MYRFL: variants seen among roughly 807,000 people sequenced by gnomAD.
MYRFL encodes myelin regulatory factor like.
In MYRFL, 88 loss-of-function variants were observed where a neutral mutation model predicts 109.4. The ratio of observed to expected loss-of-function variants is 0.80; its 90% confidence interval spans 0.68 to 0.96. The LOEUF (loss-of-function observed/expected upper bound fraction) is 0.96. Among genes scored for constraint, MYRFL ranks in the 40% least tolerant of loss-of-function variants. The pLI is 0.00. For synonymous variants in MYRFL, 324 were observed against 320.9 expected (o/e 1.01, Z -0.10); for missense variants, 957 against 954.9 (o/e 1.00, Z -0.03).
At chr12:69,903,554 T>C (rs1954257137) in intron 10 of MYRFL, 90 bp from the exon 11 acceptor site, 1 of 1,272,444 alleles carries the variant, frequency 7.9e-7, no homozygotes. Context: ...ACTTAGATAA[T>C]ATTCAGTTTG....
At chr12:69,836,709 G>A (rs1247775131) in intron 1 of MYRFL, among the ~76,000 whole-genome samples, 1 of 152,142 alleles carries the variant, frequency 6.6e-6, no homozygotes, top group Non-Finnish European at 1.5e-5. Flanking sequence ...ATCCGTATAA[G>A]GATAAGACAA....
chr12:69,946,257 C>T (rs1323524427), intron 19 of MYRFL, among the ~76,000 whole-genome samples: 3 of 152,038 alleles, frequency 2.0e-5, no homozygotes, highest in African/African-American at 7.2e-5. Flanking sequence ...CTAGACAGAA[C>T]TAACTGCTTC....
chr12:69,958,751 G>A lies in MYRFL; in HGVS notation c.*220G>A. On this transcript the variant is annotated 3_prime_UTR_variant, in exon 25 of 25. Transcript: ENST00000552032. ...ATAATGTGATGTTTGATTTTGCCAT[G>A]ACTATGAAGAAAACATTTCCTGGAG... The A allele has an allele frequency of 2.1e-6, 1 of 477,650 alleles. No homozygotes were observed. Among genetic ancestry groups the A allele is most frequent in the Non-Finnish European group, 3.7e-6 (1 of 272,728 alleles). 29.6% of individuals were successfully genotyped at this position (477,650 alleles called of 1,614,324 possible).
Position 69,903,701 on chromosome 12 carries a change from G to C in MYRFL, c.1240G>C (p.Val414Leu). The C allele has an allele frequency of 1.3e-6, 2 of 1,535,890 alleles. No individual in the cohort carries two copies. Among genetic ancestry groups the C allele is most frequent in the Non-Finnish European group, 1.7e-6 (2 of 1,146,716 alleles). ...DSDALWQRGQ[V>L]PESIVCHGRV... ...TGATGCATTGTGGCAGCGAGGACAA[G>C]TTCCAGAATCTATTGTCTGTCACGG... Residue 414 changes from valine (V) to leucine (L), a missense_variant, in exon 11 of 25, where the codon GTT becomes CTT. Physicochemically the swap from Val to Leu is conservative, Grantham distance 32. Coordinates refer to ENST00000552032, the MANE Select transcript of MYRFL (RefSeq NM_182530.3).
chr12:69,946,483 A>G (rs1955843291), intron 19 of MYRFL: 1 of 152,182 alleles, frequency 6.6e-6, no homozygotes, highest in Non-Finnish European at 1.5e-5. Flanking sequence ...GGCCCCGAGA[A>G]TCCACTATAA....
intron 19 of MYRFL, among the ~76,000 whole-genome samples, chr12:69,941,832 A>G (rs1955655598): frequency 2.0e-5 from 3 of 151,932 alleles, no homozygotes; most frequent in African/African-American, 4.8e-5. Context: ...AATAGATGCA[A>G]TAAAAAATGA....
At chr12:69,951,210 A>G (rs77937004) in intron 19 of MYRFL, among the ~76,000 whole-genome samples, 1,962 of 152,218 alleles carry the variant, frequency 0.013, 47 homozygotes, top group African/African-American at 0.045. Context: ...TTGCCGTCGT[A>G]ACAGAATACC....
intron 1 of MYRFL, among the ~76,000 whole-genome samples, chr12:69,827,942 G>C (rs781782464): frequency 6.6e-6 from 1 of 151,956 alleles, no homozygotes; most frequent in Admixed American, 6.6e-5. Context: ...AACTACCTTG[G>C]AGTGATAGGA....
chr12:69,840,284 T>C (rs1485786145), intron 1 of MYRFL, among the ~76,000 whole-genome samples: 1 of 152,246 alleles, frequency 6.6e-6, no homozygotes, highest in South Asian at 2.1e-4. Flanking sequence ...TTGAGAAGGA[T>C]GCGAGCAGGT....
intron 16 of MYRFL, among the ~76,000 whole-genome samples, chr12:69,935,555 C>G (rs945655156): frequency 6.6e-6 from 1 of 152,198 alleles, no homozygotes; most frequent in African/African-American, 2.4e-5. Flanking sequence ...AGTGTGGAAA[C>G]AAATACTTTC....
At chr12:69,891,189 T>C in intron 7 of MYRFL, 23 bp downstream of exon 7, 1 of 1,418,260 alleles carries the variant, frequency 7.1e-7, no homozygotes, top group East Asian at 2.6e-5. Flanking sequence ...TTTAGTTCAG[T>C]TTATATCAGT....
intron 1 of MYRFL, among the ~76,000 whole-genome samples, chr12:69,846,943 G>A (rs1349277520): frequency 6.6e-6 from 1 of 151,794 alleles, no homozygotes; most frequent in Non-Finnish European, 1.5e-5. Flanking sequence ...TTTCTCTGAT[G>A]GCCAGTGATG....
Position 69,948,848 on chromosome 12 carries a change from T to A in MYRFL, c.2225-3265T>A, listed in dbSNP as rs149611692. On this transcript the variant is annotated intron_variant, in intron 19 of 24. Coordinates refer to ENST00000552032, the MANE Select transcript of MYRFL (RefSeq NM_182530.3). ...TTCCTTTTGCTAATAGAATAAGGAGTCTAGCTTCCCATGTTCTTTCTCAGC... is the reference window on the plus strand; with the variant it reads ...TTCCTTTTGCTAATAGAATAAGGAGACTAGCTTCCCATGTTCTTTCTCAGC... Among the ~76,000 whole-genome samples, 316 of 152,248 alleles carry A rather than the reference T, an allele frequency of 2.1e-3. 2 individuals carry two copies. The highest frequency in any genetic ancestry group is 0.017 in the East Asian group (89 of 5,184).
chr12:69,876,465 T>C (rs1885669676), intron 2 of MYRFL, among the ~76,000 whole-genome samples: 1 of 152,056 alleles, frequency 6.6e-6, no homozygotes, highest in African/African-American at 2.4e-5. Context: ...AATCATCATA[T>C]AAGAAGGGGG....
chr12:69,864,136 A>G lies in MYRFL; in HGVS notation c.137+8766A>G, dbSNP rs984399879. ...TGTTTCTAGGTATGAGCCTTTTTTT[A>G]TATTGTACTGTTTGGGATTTGCTCA... On this transcript the variant is annotated intron_variant, in intron 2 of 24. Coordinates refer to ENST00000552032, the MANE Select transcript of MYRFL (RefSeq NM_182530.3). Among the ~76,000 whole-genome samples the G allele has an allele frequency of 2.6e-5, 4 of 152,096 alleles. No homozygotes were observed. In the East Asian group the frequency reaches 5.8e-4, roughly 22 times the overall value.
chr12:69,936,426 C>A, intron 18 of MYRFL, 27 bp from the exon 19 acceptor site: 2 of 1,530,298 alleles, frequency 1.3e-6, no homozygotes, highest in Non-Finnish European at 8.7e-7. Flanking sequence ...TTCTTGCTTC[C>A]CCTCCCCCCT....
chr12:69,944,384 G>A (rs1279819155), intron 19 of MYRFL, among the ~76,000 whole-genome samples: 1 of 137,556 alleles, frequency 7.3e-6, no homozygotes, highest in Admixed American at 7.5e-5. Context: ...GTCCTTTGTA[G>A]GGACATGGAT....
At chr12:69,925,262 T>C (rs997332622) in intron 13 of MYRFL, among the ~76,000 whole-genome samples, 3 of 152,144 alleles carry the variant, frequency 2.0e-5, no homozygotes, top group African/African-American at 7.2e-5. Context: ...CCTCAACAGA[T>C]CTGTGTGGCT....
rs768296400 is a variant in MYRFL, at chr12:69,957,831, G to A, written c.2460G>A (p.Glu820=). ...TCTTTGTCTCTTGAAGCACAACAGA[G>A]CCATTGATAGTCTTCCAGTGCAAAT... ...VKFSLEINTT[E]PLIVFQCKFT... Residue 820 remains glutamate, a synonymous_variant, in exon 23 of 25, where the codon GAG becomes GAA. Transcript: ENST00000552032. The A allele has an allele frequency of 9.8e-6, 15 of 1,531,656 alleles. No individual in the cohort carries two copies. Among genetic ancestry groups the A allele is most frequent in the African/African-American group, 1.4e-5 (1 of 72,978 alleles). 94.9% of individuals were successfully genotyped at this position (1,531,656 alleles called of 1,614,324 possible).
Sources: allele counts gnomAD v4.1 joint callset (sites outside exome capture counted in the v4.1 genomes callset), GRCh38; gene constraint gnomAD v4.1.1; transcripts MANE v1.5; gene names NCBI Gene and HGNC (gene_info 2026-07-23, HGNC 2026-07-21).